The following ZDHHC11 variants were observed in gnomAD, a reference collection of about 807,000 sequenced individuals.
ZDHHC11 encodes the protein zDHHC palmitoyltransferase 11.
In ZDHHC11, 44 loss-of-function variants were observed where a neutral mutation model predicts 51.3. That is an observed-to-expected ratio of 0.86 (90% CI 0.67 to 1.10). The LOEUF (loss-of-function observed/expected upper bound fraction) is 1.10, where lower values mean the gene tolerates loss of function less well. Among genes scored for constraint, ZDHHC11 ranks in the 50% least tolerant of loss-of-function variants. The pLI is 0.00. For synonymous variants in ZDHHC11, 163 were observed against 222.0 expected (o/e 0.73, Z 2.36); for missense variants, 400 against 537.7 (o/e 0.74, Z 2.53).
chr5:833,421 GA>G (rs1340261850), intron 7 of ZDHHC11, among the ~76,000 whole-genome samples: 1 of 151,766 alleles, frequency 6.6e-6, no homozygotes, highest in African/African-American at 2.4e-5. Context: ...CAATGTCTAT[GA>G]AACACTATTA....
chr5:853,684 CCATG>C (rs1415566486), upstream of ZDHHC11, among the ~76,000 whole-genome samples: 1 of 150,542 alleles, frequency 6.6e-6, no homozygotes, highest in African/African-American at 2.5e-5. Context: ...GGGACAGACC[CCATG>C]TAGGACAGTG....
upstream of ZDHHC11, among the ~76,000 whole-genome samples, chr5:859,291 G>A (rs1257626440): frequency 1.3e-5 from 2 of 152,066 alleles, no homozygotes; most frequent in South Asian, 4.1e-4. Context: ...AACCAAAGTA[G>A]TCTAAGATGA....
chr5:838,205 TG>T (rs1407305269), intron 5 of ZDHHC11, among the ~76,000 whole-genome samples: 1 of 151,980 alleles, frequency 6.6e-6, no homozygotes, highest in Non-Finnish European at 1.5e-5. Flanking sequence ...CCTACCCACC[TG>T]GCCTGTCCTG....
At chr5:851,313 G>A (rs1011083984), upstream of ZDHHC11, among the ~76,000 whole-genome samples, 2 of 152,002 alleles carry the variant, frequency 1.3e-5, no homozygotes, top group Non-Finnish European at 1.5e-5. Flanking sequence ...AACACGCTGC[G>A]GCTGCTCCTG....
chr5:854,802 G>C (rs183495112), upstream of ZDHHC11, among the ~76,000 whole-genome samples: 693 of 142,860 alleles, frequency 4.9e-3, 6 homozygotes, highest in African/African-American at 0.018. Context: ...GAGGAGCGGG[G>C]ACAGACCCCA....
chr5:841,530 G>T (rs1744963804), intron 4 of ZDHHC11: 12 of 996,198 alleles, frequency 1.2e-5, no homozygotes, highest in Non-Finnish European at 1.4e-5. Flanking sequence ...GGGTCACGGT[G>T]CCCACCCCTT....
rs1424462504 is a variant in ZDHHC11 at position 807,226 on chromosome 5, A to T, written c.1182-6062T>A. ...AGGTGATTCCTCAAAGATTCCAGAT[A>T]CTACATACACACAATGCCCTTTCTG... On this transcript the variant is annotated intron_variant, in intron 11 of 12. Transcript: ENST00000283441. Among the ~76,000 whole-genome samples, 11 of 145,890 alleles carry T rather than the reference A, an allele frequency of 7.5e-5. 2 individuals are homozygous for T. Among genetic ancestry groups the T allele is most frequent in the Non-Finnish European group, 1.5e-4 (10 of 65,642 alleles).
At chr5:852,780 G>GAC (rs1747443719), upstream of ZDHHC11, among the ~76,000 whole-genome samples, 5 of 71,378 alleles carry the variant, frequency 7.0e-5, no homozygotes, top group African/African-American at 1.7e-4. Flanking sequence ...GCCGGGGGAA[G>GAC]AGACCCCACG....
At chr5:840,759 C>T in intron 4 of ZDHHC11, 109 bp from the exon 5 acceptor site, 1 of 1,572,042 alleles carries the variant, frequency 6.4e-7, no homozygotes, top group Non-Finnish European at 8.6e-7. Context: ...TGGGGACAGC[C>T]AGTGCGAGGG....
intron 5 of ZDHHC11, among the ~76,000 whole-genome samples, chr5:838,078 G>A: frequency 6.6e-6 from 1 of 151,846 alleles, no homozygotes; most frequent in Non-Finnish European, 1.5e-5. Context: ...AGGCCCAGGA[G>A]GTGAACACGA....
chr5:807,998 G>T (rs1739518018), intron 11 of ZDHHC11, among the ~76,000 whole-genome samples: 1 of 150,974 alleles, frequency 6.6e-6, no homozygotes, highest in Non-Finnish European at 1.5e-5. Context: ...GGGTCTGGGG[G>T]TGCAGGCCAG....
At chr5:800,452 T>C (rs1738254185) in intron 12 of ZDHHC11, among the ~76,000 whole-genome samples, 1 of 150,778 alleles carries the variant, frequency 6.6e-6, no homozygotes, top group East Asian at 1.9e-4. Flanking sequence ...TACAATCATG[T>C]CTCATGTTTC....
chr5:842,972 C>T (rs4045700), intron 4 of ZDHHC11, among the ~76,000 whole-genome samples: 3,751 of 149,714 alleles, frequency 0.025, 149 homozygotes, highest in African/African-American at 0.084. Context: ...CATCCCAGCA[C>T]GACCCTCCCA....
intron 11 of ZDHHC11, among the ~76,000 whole-genome samples, chr5:810,811 C>T (rs562280188): frequency 3.7e-4 from 57 of 152,108 alleles, no homozygotes; most frequent in African/African-American, 1.4e-3. Context: ...GCTCATTCTC[C>T]TGTGGAGAAG....
At chr5:837,155 G>A (rs12656707) in intron 6 of ZDHHC11, among the ~76,000 whole-genome samples, 20,748 of 136,906 alleles carry the variant, frequency 0.15, 375 homozygotes, top group African/African-American at 0.35. Flanking sequence ...CTTTGCACTA[G>A]GAAGTCCGTG....
intron 5 of ZDHHC11, among the ~76,000 whole-genome samples, 159 bp from the exon 6 acceptor site, chr5:837,639 T>G (rs1190367903): frequency 6.6e-6 from 1 of 151,524 alleles, no homozygotes; most frequent in Non-Finnish European, 1.5e-5. Flanking sequence ...TCAGGATGAG[T>G]GCAGGTGCCT....
In ZDHHC11 at chr5:843,575, C is replaced by A. The variant is rs767327107; in HGVS notation, c.628+25G>T. ...AAGACGGCTGGAGGCGAGGATGAGG[C>A]CCCTTGAGAGCGGCGGCCACGTACC... On this transcript the variant is annotated intron_variant, in intron 4 of 12. Coordinates refer to ENST00000283441, the MANE Select transcript of ZDHHC11 (RefSeq NM_024786.3). 4.4e-6 allele frequency: 7 copies of A among 1,605,990 alleles called. 1 individual carries two copies. The Admixed American group carries it at 1.0e-4, about 23-fold the overall frequency.
In ZDHHC11 at chr5:818,034, G is replaced by A. The variant is rs574317168; in HGVS notation, c.1146+1491C>T. On this transcript the variant is annotated intron_variant, in intron 10 of 12. Transcript: ENST00000283441. ...TCCCCGATGTGAACAATGAACCGAC[G>A]GTGTTATTTTCATAGGATTGTCCTG... 4.6e-5 allele frequency among the ~76,000 whole-genome samples: 7 copies of A among 151,328 alleles called. No individual in the cohort carries two copies. In the South Asian group the frequency reaches 1.0e-3, roughly 23 times the overall value.
At chr5:808,835 G>A (rs1241516600) in intron 11 of ZDHHC11, among the ~76,000 whole-genome samples, 1 of 146,530 alleles carries the variant, frequency 6.8e-6, no homozygotes, top group Non-Finnish European at 1.5e-5. Flanking sequence ...GTAGCTGGGA[G>A]TACAGGTGCC....
Sources: gnomAD v4.1 joint callset for allele counts (sites outside exome capture counted in the v4.1 genomes callset) on GRCh38, gnomAD v4.1.1 for gene constraint, MANE v1.5 for transcripts, NCBI Gene and HGNC (gene_info 2026-07-23, HGNC 2026-07-21) for gene names.